ARHGAP10: variants seen among roughly 807,000 people sequenced by gnomAD.
The protein encoded by ARHGAP10 is rho GTPase-activating protein 10.
In ARHGAP10, 87 loss-of-function variants were observed where a neutral mutation model predicts 108.6. The ratio of observed to expected loss-of-function variants is 0.80; its 90% CI spans 0.67 to 0.96. The LOEUF (loss-of-function observed/expected upper bound fraction) is 0.96. Ranked by LOEUF, ARHGAP10 falls within the 40% of genes least tolerant of loss-of-function variation. ARHGAP10 has a pLI of 0.00. For synonymous variants in ARHGAP10, 347 were observed against 341.1 expected (o/e 1.02, Z -0.19); for missense variants, 939 against 954.5 (o/e 0.98, Z 0.21).
chr4:147,934,946 T>C (rs2126954497), intron 13 of ARHGAP10, among the ~76,000 whole-genome samples: 1 of 152,326 alleles, frequency 6.6e-6, no homozygotes, highest in South Asian at 2.1e-4. Context: ...GGGATTTTTA[T>C]CCGGTTTTGA....
chr4:148,064,525 C>G lies in ARHGAP10; in HGVS notation c.2272+18C>G. The G allele has an allele frequency of 6.2e-7, 1 of 1,602,976 alleles. No individual in the cohort carries two copies. Among genetic ancestry groups the G allele is most frequent in the Non-Finnish European group, 8.5e-7 (1 of 1,170,008 alleles). ...TGAGGATGGTAAGTGTTAGTGGGAG[C>G]TTCGTCTGTTAATCCTGTCCGCAGG... On this transcript the variant is annotated intron_variant, in intron 22 of 22. Transcript: ENST00000336498.
At chr4:147,941,480 C>G (rs1738163174) in intron 14 of ARHGAP10, among the ~76,000 whole-genome samples, 1 of 152,158 alleles carries the variant, frequency 6.6e-6, no homozygotes, top group East Asian at 1.9e-4. Flanking sequence ...ACCTGGAAAA[C>G]TGTTTTTACT....
intron 1 of ARHGAP10, among the ~76,000 whole-genome samples, chr4:147,780,307 A>G (rs1730479005): frequency 6.6e-6 from 1 of 152,084 alleles, no homozygotes; most frequent in Non-Finnish European, 1.5e-5. Flanking sequence ...GTTAGGTGAC[A>G]GATTCTGCCC....
intron 15 of ARHGAP10, among the ~76,000 whole-genome samples, chr4:147,949,544 G>C (rs1199333931): frequency 6.6e-6 from 1 of 152,086 alleles, no homozygotes; most frequent in Non-Finnish European, 1.5e-5. Flanking sequence ...GCAGTACATA[G>C]GACAGCCCAC....
At chr4:147,884,111 G>C (rs772975717) in intron 10 of ARHGAP10, among the ~76,000 whole-genome samples, 5 of 152,234 alleles carry the variant, frequency 3.3e-5, no homozygotes, top group Non-Finnish European at 7.3e-5. Context: ...TATGTTAAGT[G>C]AGGTGAATCT....
intron 1 of ARHGAP10, among the ~76,000 whole-genome samples, chr4:147,733,645 G>A (rs10023419): frequency 0.024 from 3,697 of 152,258 alleles, 147 homozygotes; most frequent in African/African-American, 0.084. Flanking sequence ...TTCAGTAAGG[G>A]CGATTAAAAC....
intron 1 of ARHGAP10, among the ~76,000 whole-genome samples, chr4:147,809,859 G>T (rs1215146975): frequency 6.6e-6 from 1 of 152,180 alleles, no homozygotes; most frequent in African/African-American, 2.4e-5. Context: ...TGCCCCTGCT[G>T]ATCTGGGACC....
At chr4:147,868,037 TG>T (rs1264529915) in intron 7 of ARHGAP10, among the ~76,000 whole-genome samples, 1 of 152,076 alleles carries the variant, frequency 6.6e-6, no homozygotes, top group Non-Finnish European at 1.5e-5. Flanking sequence ...GACATTCAGC[TG>T]GGCTAATGAT....
chr4:147,804,817 T>A lies in ARHGAP10; in HGVS notation c.155-17910T>A, dbSNP rs138051329. ...AAGTTCTTGTCCTTTGCCCACTTTTTAATGAGGTTGTTTTTTGCTTGTTAA... is the reference window on the plus strand; with the variant it reads ...AAGTTCTTGTCCTTTGCCCACTTTTAAATGAGGTTGTTTTTTGCTTGTTAA... On this transcript the variant is annotated intron_variant, in intron 1 of 22. Transcript: ENST00000336498. Among the ~76,000 whole-genome samples the A allele has an allele frequency of 8.5e-3, 1,294 of 152,316 alleles. 19 individuals carry two copies. Among genetic ancestry groups the A allele is most frequent in the African/African-American group, 0.03 (1,237 of 41,562 alleles).
At chr4:147,935,534 C>G (rs1393086233) in intron 13 of ARHGAP10, among the ~76,000 whole-genome samples, 1 of 152,156 alleles carries the variant, frequency 6.6e-6, no homozygotes, top group East Asian at 1.9e-4. Flanking sequence ...TTTCAAATTT[C>G]TAATACTTGT....
intron 19 of ARHGAP10, among the ~76,000 whole-genome samples, chr4:148,024,547 C>T (rs569964393): frequency 1.3e-5 from 2 of 152,308 alleles, no homozygotes; most frequent in South Asian, 4.1e-4. Flanking sequence ...TGTAATGACA[C>T]AGGGGGACTA....
chr4:147,758,699 C>T (rs1402022322), intron 1 of ARHGAP10, among the ~76,000 whole-genome samples: 1 of 151,346 alleles, frequency 6.6e-6, no homozygotes, highest in African/African-American at 2.4e-5. Context: ...ATTTTTTAGG[C>T]TGAGTGTGGT....
chr4:147,871,639 G>A (rs1013665705), intron 7 of ARHGAP10, among the ~76,000 whole-genome samples: 2 of 152,200 alleles, frequency 1.3e-5, no homozygotes, highest in Admixed American at 6.5e-5. Flanking sequence ...AAAGAACCAT[G>A]TAAATGCTCA....
chr4:147,733,388 C>A (rs989375872), intron 1 of ARHGAP10, among the ~76,000 whole-genome samples: 1 of 152,180 alleles, frequency 6.6e-6, no homozygotes, highest in African/African-American at 2.4e-5. Flanking sequence ...GGATCCATAA[C>A]CCCTTCGGAG....
chr4:148,063,548 T>C (rs568711726), intron 21 of ARHGAP10, among the ~76,000 whole-genome samples: 66 of 152,368 alleles, frequency 4.3e-4, no homozygotes, highest in African/African-American at 1.4e-3. Context: ...TTTGTGGTGC[T>C]GGTTGTGCAT....
chr4:147,797,532 C>A (rs965485261), intron 1 of ARHGAP10, among the ~76,000 whole-genome samples: 1 of 152,158 alleles, frequency 6.6e-6, no homozygotes, highest in Non-Finnish European at 1.5e-5. Context: ...CCTGCCTCAG[C>A]CTCTGGAGTA....
intron 18 of ARHGAP10, among the ~76,000 whole-genome samples, chr4:148,003,482 T>G (rs1312010876): frequency 6.6e-6 from 1 of 152,180 alleles, no homozygotes; most frequent in African/African-American, 2.4e-5. Context: ...ACTTTCTGTC[T>G]CGTTGATCTG....
At chr4:147,857,963 C>CA (rs149396380) in intron 5 of ARHGAP10, 3,205 of 157,670 alleles carry the variant, frequency 0.02, 106 homozygotes, top group African/African-American at 0.073. Context: ...AGGAATAGAT[C>CA]AATTAATTGG....
At chr4:147,946,846 C>A in intron 15 of ARHGAP10, 142 bp downstream of exon 15, 1 of 549,770 alleles carries the variant, frequency 1.8e-6, no homozygotes, top group Non-Finnish European at 2.9e-6. Context: ...GTCTCAGTGT[C>A]CCAGAAAGAA....
Sources: allele counts gnomAD v4.1 joint callset (sites outside exome capture counted in the v4.1 genomes callset), GRCh38; gene constraint gnomAD v4.1.1; transcripts MANE v1.5; gene names NCBI Gene and HGNC (gene_info 2026-07-23, HGNC 2026-07-21).